Variants in PHF21A observed in about 807,000 individuals in gnomAD.
PHF21A encodes the protein PHD finger protein 21A.
Under a neutral mutation model 82.5 loss-of-function variants are expected in PHF21A, and 11 were observed. The observed-to-expected ratio is 0.13, with a 90% confidence interval of 0.08 to 0.22. The LOEUF (loss-of-function observed/expected upper bound fraction) is 0.22, where lower values mean the gene tolerates loss of function less well. PHF21A is among the 10% of genes least tolerant of loss of function. The pLI is 1.00. For missense variants in PHF21A, 579 were observed against 837.8 expected (o/e 0.69, Z 3.81); for synonymous variants, 297 against 302.8 (o/e 0.98, Z 0.20).
chr11:46,098,506 T>C (rs1244758763), intron 1 of PHF21A, among the ~76,000 whole-genome samples: 3 of 152,140 alleles, frequency 2.0e-5, no homozygotes, highest in Admixed American at 6.5e-5. Context: ...CAGAAATAAA[T>C]AGAAAGAAGA....
intron 6 of PHF21A, among the ~76,000 whole-genome samples, chr11:46,021,529 CGTGCATGTGTGT>C (rs969124762): frequency 6.6e-6 from 1 of 151,850 alleles, no homozygotes; most frequent in Non-Finnish European, 1.5e-5. Flanking sequence ...CATGTGTGTG[CGTGCATGTGTGT>C]GTGCATGTGT....
chr11:46,091,172 T>C (rs1301660422), intron 2 of PHF21A, among the ~76,000 whole-genome samples: 1 of 152,166 alleles, frequency 6.6e-6, no homozygotes, highest in Non-Finnish European at 1.5e-5. Context: ...AAAGGAAACC[T>C]TGGCCAAATA....
intron 5 of PHF21A, among the ~76,000 whole-genome samples, chr11:46,077,208 T>C (rs1210327535): frequency 6.6e-6 from 1 of 152,272 alleles, no homozygotes; most frequent in Non-Finnish European, 1.5e-5. Flanking sequence ...ACACACTACA[T>C]GCTTTACAGC....
chr11:45,952,808 A>G (rs1326872738), intron 11 of PHF21A, among the ~76,000 whole-genome samples: 5 of 152,246 alleles, frequency 3.3e-5, no homozygotes, highest in African/African-American at 7.2e-5. Context: ...TACTGGCCAA[A>G]TGAAATCTGT....
At chr11:45,936,754 A>G in intron 16 of PHF21A, 185 bp from the exon 17 acceptor site, 1 of 563,296 alleles carries the variant, frequency 1.8e-6, no homozygotes, top group Non-Finnish European at 3.1e-6. Context: ...GCTTAGGAGA[A>G]TCAAGTTCAA....
intron 4 of PHF21A, chr11:46,083,744 T>C (rs1008126907): frequency 6.6e-6 from 1 of 152,636 alleles, no homozygotes; most frequent in Non-Finnish European, 1.5e-5. Flanking sequence ...ATAATCACAT[T>C]TTCTTTAAGA....
intron 3 of PHF21A, among the ~76,000 whole-genome samples, chr11:46,088,435 C>CAACAAA (rs1245357305): frequency 6.6e-6 from 1 of 151,902 alleles, no homozygotes; most frequent in African/African-American, 2.4e-5. Flanking sequence ...ACAACAACAA[C>CAACAAA]AAAACATAAA....
Position 45,977,855 on chromosome 11 carries a change from T to C in PHF21A, c.360+1905A>G, listed in dbSNP as rs12574632. On this transcript the variant is annotated intron_variant, in intron 7 of 18. Transcript: ENST00000676320. ...TTTTCTTCTTCTTCTTTTTTTTTTT[T>C]TGGTATTGAATGGCAGTACAGAAGA... Among the ~76,000 whole-genome samples, 170 of 151,760 alleles carry C rather than the reference T, an allele frequency of 1.1e-3. 1 individual carries two copies. The East Asian group carries it at 0.03, about 26-fold the overall frequency.
At chr11:45,981,021 T>C (rs954426110) in intron 6 of PHF21A, among the ~76,000 whole-genome samples, 2 of 152,120 alleles carry the variant, frequency 1.3e-5, no homozygotes, top group African/African-American at 4.8e-5. Flanking sequence ...ATTATTATAA[T>C]ACACTTCAAC....
At chr11:46,039,657 C>T (rs892860224) in intron 6 of PHF21A, among the ~76,000 whole-genome samples, 2 of 152,044 alleles carry the variant, frequency 1.3e-5, no homozygotes, top group Admixed American at 1.3e-4. Flanking sequence ...TTTAGATCTA[C>T]GAAGGCTGAA....
chr11:46,100,637 A>AT (rs1443014865), intron 1 of PHF21A, among the ~76,000 whole-genome samples: 1 of 152,188 alleles, frequency 6.6e-6, no homozygotes, highest in Non-Finnish European at 1.5e-5. Context: ...TTAAAGACAC[A>AT]TTTTCAATGC....
At chr11:46,094,856 C>T (rs1253724876) in intron 1 of PHF21A, among the ~76,000 whole-genome samples, 3 of 152,102 alleles carry the variant, frequency 2.0e-5, no homozygotes, top group Non-Finnish European at 2.9e-5. Flanking sequence ...ACTGAGATCG[C>T]GCCACTACAC....
chr11:46,020,437 C>T (rs1345089283), intron 6 of PHF21A, among the ~76,000 whole-genome samples: 1 of 152,078 alleles, frequency 6.6e-6, no homozygotes, highest in African/African-American at 2.4e-5. Context: ...AGGGAAGCAC[C>T]GTGTACATAC....
intron 14 of PHF21A, among the ~76,000 whole-genome samples, chr11:45,947,164 A>G (rs879369356): frequency 2.0e-4 from 31 of 152,296 alleles, no homozygotes; most frequent in Admixed American, 4.6e-4. Context: ...CAAGGCTACA[A>G]AGGAACTTGA....
At chr11:46,029,387 G>T (rs1264392923) in intron 6 of PHF21A, among the ~76,000 whole-genome samples, 1 of 152,038 alleles carries the variant, frequency 6.6e-6, no homozygotes, top group Non-Finnish European at 1.5e-5. Flanking sequence ...TGAGTTTAAG[G>T]ATTAAAAAAT....
intron 4 of PHF21A, 117 bp from the exon 5 acceptor site, chr11:46,079,283 A>G (rs2096762152): frequency 1.5e-6 from 1 of 652,762 alleles, no homozygotes; most frequent in African/African-American, 1.8e-5. Flanking sequence ...GAGCAACACC[A>G]CAATCAGAAC....
rs1022765400 is a variant in PHF21A at position 46,015,019 on chromosome 11, T to A, written c.154-35053A>T. Among the ~76,000 whole-genome samples, 16 of 149,702 alleles carry A rather than the reference T, an allele frequency of 1.1e-4. 6 individuals carry two copies. The highest frequency in any genetic ancestry group is 8.5e-4 in the South Asian group (4 of 4,700). On this transcript the variant is annotated intron_variant, in intron 6 of 18. Transcript: ENST00000676320. Reference sequence around the variant, plus strand: ...ATAAAAATAAAAAAATAAAAAAAAATAAAAAAATAAAAAATAGTTATTCTG... The same window carrying A: ...ATAAAAATAAAAAAATAAAAAAAAAAAAAAAAATAAAAAATAGTTATTCTG...
At chr11:45,953,411 A>G (rs763447365) in intron 11 of PHF21A, 116 bp downstream of exon 11, 52 of 701,476 alleles carry the variant, frequency 7.4e-5, no homozygotes, top group Middle Eastern at 5.2e-4. Context: ...ATAAAAGTGC[A>G]TAAGAAAATG....
rs747004808 is a variant in PHF21A at position 46,081,031 on chromosome 11, G to A, written c.55-1865C>T. 9.9e-5 allele frequency among the ~76,000 whole-genome samples: 15 copies of A among 152,142 alleles called. No homozygotes were observed. In the South Asian group the frequency reaches 1.0e-3, roughly 11 times the overall value. On this transcript the variant is annotated intron_variant, in intron 4 of 18. Transcript: ENST00000676320. ...CTGTTTCAGACCTGCTGTGTGGTAC[G>A]CTCACTGGACTAATTTTAAAAAGAC...
Sources: allele counts gnomAD v4.1 joint callset (sites outside exome capture counted in the v4.1 genomes callset), GRCh38; gene constraint gnomAD v4.1.1; transcripts MANE v1.5; gene names NCBI Gene and HGNC (gene_info 2026-07-23, HGNC 2026-07-21).